The following ZNF711 variants were observed in gnomAD, a reference collection of about 807,000 sequenced individuals.
ZNF711 encodes zinc finger protein 711.
In ZNF711, 3 loss-of-function variants were observed where a neutral mutation model predicts 43.5. The observed-to-expected ratio is 0.07, with a 90% CI of 0.03 to 0.18. ZNF711 has a LOEUF of 0.18. Ranked by LOEUF, ZNF711 falls within the 10% of genes least tolerant of loss-of-function variation. The pLI, the probability that ZNF711 is intolerant of heterozygous loss-of-function variation, is 1.00. For synonymous variants in ZNF711, 209 were observed against 207.7 expected, an observed-to-expected ratio of 1.01 and a Z score of -0.06; for missense variants, 412 against 604.0, an observed-to-expected ratio of 0.68 and a Z score of 3.33.
At chrX:85,267,695 A>T (rs1931210352) in intron 8 of ZNF711, among the ~76,000 whole-genome samples, 1 of 111,607 alleles carries the variant, frequency 9.0e-6, no homozygotes, top group Non-Finnish European at 1.9e-5. Flanking sequence ...TATTTTTCTA[A>T]AATAGGAATA....
chrX:85,259,587 A>G (rs1249109172), intron 5 of ZNF711, among the ~76,000 whole-genome samples: 3 of 110,973 alleles, frequency 2.7e-5, no homozygotes, highest in Non-Finnish European at 3.8e-5. Context: ...AGTGTTTTAT[A>G]GTACTCCTCG....
At chrX:85,248,472 CAAAAAAAAAAA>C (rs1166126484) in intron 4 of ZNF711, among the ~76,000 whole-genome samples, 2 of 19,968 alleles carry the variant, frequency 1.0e-4, no homozygotes, top group South Asian at 4.7e-3. Flanking sequence ...GACTCAGTCT[CAAAAAAAAAAA>C]AAAAAAAAAA....
Position 85,269,518 on chromosome X carries a change from C to G in ZNF711, c.1103-485C>G, listed in dbSNP as rs139062450. Reference sequence around the variant, plus strand: ...ATCTCAGGCTCCTGAGTAGCTGGGACTACAGGTGCATGCCACCATGCCTGA... The same window carrying G: ...ATCTCAGGCTCCTGAGTAGCTGGGAGTACAGGTGCATGCCACCATGCCTGA... On this transcript the variant is annotated intron_variant, in intron 9 of 10. Coordinates refer to ENST00000674551, the MANE Select transcript of ZNF711 (RefSeq NM_001330574.2). 8.0e-3 allele frequency among the ~76,000 whole-genome samples: 870 copies of G among 108,663 alleles called. 11 individuals are homozygous for G. The highest frequency in any genetic ancestry group is 0.028 in the African/African-American group (820 of 29,784). 94.4% of individuals were successfully genotyped at this position (108,663 alleles called of 115,157 possible). A position where few individuals can be genotyped will look rare whatever the true frequency, so the allele number is the denominator to read the frequency against.
chrX:85,270,679 C>T lies in ZNF711; in HGVS notation c.1275C>T (p.Pro425=). The T allele has an allele frequency of 8.3e-7, 1 of 1,207,722 alleles. No homozygotes were observed. Among genetic ancestry groups the T allele is most frequent in the East Asian group, 3.0e-5 (1 of 33,705 alleles). Reference sequence around the variant, plus strand: ...TTATAATAGGTCCTGATGGACAGCCCCTCACAGTGTACCCTTGCCATATTT... The same window carrying T: ...TTATAATAGGTCCTGATGGACAGCCTCTCACAGTGTACCCTTGCCATATTT... The part of the protein sequence containing the change: ...TAVIIGPDGQ[P]LTVYPCHICT... Residue 425 remains proline (P), a synonymous_variant, in exon 11 of 11, where the codon CCC becomes CCT. Coordinates refer to ENST00000674551, the MANE Select transcript of ZNF711 (RefSeq NM_001330574.2).
Position 85,270,015 on chromosome X carries a change from A to C in ZNF711, c.1115A>C (p.Asp372Ala), listed in dbSNP as rs1281347842. 8.3e-7 allele frequency: 1 copy of C among 1,210,134 alleles called. No homozygotes were observed. Among genetic ancestry groups the C allele is most frequent in the Non-Finnish European group, 1.1e-6 (1 of 894,582 alleles). ...TTTTTTTTTCCAGGAAATACTTTGG[A>C]CTCAGCATTAGAAAGCAGAAGTAGT... Reference protein sequence around the residue: ...EDCQASGNTLDSALESRSSTA... With the variant: ...EDCQASGNTLASALESRSSTA... The change falls in exon 10 of 11, where the codon GAC (aspartate) becomes GCC (alanine). Residue 372 changes from aspartate (D) to alanine (A), a missense_variant. Physicochemically the swap from Asp to Ala is moderately radical, Grantham distance 126. Around this residue, in one of 4 missense-constraint regions of ZNF711, gnomAD observed 375 missense variants for 514.2 expected, o/e 0.73. Transcript: ENST00000674551.
rs746649683 is a variant in ZNF711, at chrX:85,255,746, AGAT to A, written c.584_586del (p.Asp195del). ...GTTCTACAGTTACTATAAAAACCGA[AGAT>A]GATGATGATGATGATGTCAAGAGCA... On this transcript the variant is annotated inframe_deletion, in exon 5 of 11. Coordinates refer to ENST00000674551, the MANE Select transcript of ZNF711 (RefSeq NM_001330574.2). The A allele has an allele frequency of 1.4e-5, 17 of 1,207,917 alleles. No individual in the cohort carries two copies. In the Middle Eastern group the frequency reaches 6.9e-4, roughly 49 times the overall value.
intron 4 of ZNF711, 101 bp from the exon 5 acceptor site, chrX:85,255,158 C>T (rs1451651674): frequency 1.2e-6 from 1 of 807,196 alleles, no homozygotes; most frequent in Admixed American, 2.9e-5. Flanking sequence ...GCCAAGATTA[C>T]TTAATATTTA....
chrX:85,264,494 A>T, intron 6 of ZNF711, 64 bp downstream of exon 6: 1 of 1,044,195 alleles, frequency 9.6e-7, no homozygotes, highest in Non-Finnish European at 1.3e-6. Context: ...TTTTCTGGGG[A>T]CTAGTCTAAA....
intron 5 of ZNF711, among the ~76,000 whole-genome samples, chrX:85,260,856 T>C (rs1200707364): frequency 9.0e-6 from 1 of 111,011 alleles, no homozygotes; most frequent in Non-Finnish European, 1.9e-5. Context: ...ATATGTAACT[T>C]TCAGCTTACC....
intron 5 of ZNF711, 150 bp downstream of exon 5, chrX:85,255,951 T>C (rs1930097318): frequency 3.9e-6 from 2 of 509,638 alleles, no homozygotes; most frequent in Admixed American, 8.9e-5. Context: ...AGATGCTGTT[T>C]TGAGTTTACT....
At chrX:85,257,014 G>T (rs909684740) in intron 5 of ZNF711, among the ~76,000 whole-genome samples, 2 of 111,289 alleles carry the variant, frequency 1.8e-5, no homozygotes, top group Non-Finnish European at 3.8e-5. Flanking sequence ...AATTTAAACT[G>T]ATATTAAAGT....
In ZNF711 at chrX:85,270,682, C is replaced by T; in HGVS notation, c.1278C>T (p.Leu426=). ...AVIIGPDGQP[L]TVYPCHICTK... ...TAATAGGTCCTGATGGACAGCCCCT[C>T]ACAGTGTACCCTTGCCATATTTGCA... Residue 426 remains leucine (L), a synonymous_variant, in exon 11 of 11, where the codon CTC becomes CTT. Transcript: ENST00000674551. 1 of 1,208,140 alleles carries T rather than the reference C, an allele frequency of 8.3e-7. No individual in the cohort carries two copies. The highest frequency in any genetic ancestry group is 3.0e-5 in the East Asian group (1 of 33,723).
chrX:85,271,992 T>C lies in ZNF711; in HGVS notation c.*164T>C, dbSNP rs2147878329. 2.2e-6 allele frequency: 1 copy of C among 459,858 alleles called. No individual in the cohort carries two copies. Among genetic ancestry groups the C allele is most frequent in the East Asian group, 3.7e-5 (1 of 26,816 alleles). 37.9% of individuals were successfully genotyped at this position (459,858 alleles called of 1,213,427 possible). A position where few individuals can be genotyped will look rare whatever the true frequency, so the allele number is the denominator to read the frequency against. On this transcript the variant is annotated 3_prime_UTR_variant, in exon 11 of 11. Transcript: ENST00000674551. ...ATATTTGAATTCACAGGGGATCCCA[T>C]AGCCCTTTGAAAATTACTTAAAGAA...
Position 85,271,601 on chromosome X carries a change from C to T in ZNF711, c.2197C>T (p.Gln733Ter). 8.3e-7 allele frequency: 1 copy of T among 1,210,306 alleles called. No homozygotes were observed. The change falls in exon 11 of 11, where the codon CAA (glutamine) becomes TAA (stop). Residue 733 changes from glutamine to a stop codon, truncating the protein, a stop_gained. Coordinates refer to ENST00000674551, the MANE Select transcript of ZNF711 (RefSeq NM_001330574.2). LOFTEE classifies it high-confidence loss of function. Reference protein sequence around the residue: ...KCKRCKRGFRQQNELKKHMKT... With the variant: ...KCKRCKRGFR ...TAAAAGGTGCAAGAGAGGATTCAGA[C>T]AACAAAATGAGCTAAAAAAACATAT...
At chrX:85,254,813 A>C (rs1929966502) in intron 4 of ZNF711, among the ~76,000 whole-genome samples, 1 of 106,828 alleles carries the variant, frequency 9.4e-6, no homozygotes, top group Admixed American at 1.0e-4. Flanking sequence ...AAAAAAAAAA[A>C]AAAAAAGAAA....
intron 9 of ZNF711, 130 bp downstream of exon 9, chrX:85,268,471 T>A: frequency 2.8e-6 from 2 of 720,912 alleles, no homozygotes; most frequent in Non-Finnish European, 4.1e-6. Flanking sequence ...ATACCTAATC[T>A]AGTTAGTTAG....
intron 5 of ZNF711, among the ~76,000 whole-genome samples, chrX:85,260,146 A>G (rs1320217605): frequency 9.0e-6 from 1 of 111,562 alleles, no homozygotes; most frequent in Non-Finnish European, 1.9e-5. Flanking sequence ...ATCTACTGCA[A>G]TGATCACATG....
At chrX:85,252,443 C>T (rs1929629511) in intron 4 of ZNF711, among the ~76,000 whole-genome samples, 2 of 111,451 alleles carry the variant, frequency 1.8e-5, no homozygotes, top group South Asian at 7.5e-4. Flanking sequence ...AAGAACCAGA[C>T]TAATCTTCAG....
Position 85,247,114 on chromosome X carries a change from T to G in ZNF711, c.-101T>G. On this transcript the variant is annotated 5_prime_UTR_variant, in exon 3 of 11. Coordinates refer to ENST00000674551, the MANE Select transcript of ZNF711 (RefSeq NM_001330574.2). ...CTGCAGAGCTCCGCTGCAGGGCTGATCTGGGTCTGGAAGAAATGGATGAGA... is the reference window on the plus strand; with the variant it reads ...CTGCAGAGCTCCGCTGCAGGGCTGAGCTGGGTCTGGAAGAAATGGATGAGA... The G allele has an allele frequency of 3.4e-6, 1 of 296,642 alleles. No individual in the cohort carries two copies. The highest frequency in any genetic ancestry group is 5.9e-6 in the Non-Finnish European group (1 of 170,022). The allele number at this position is 296,642 out of a possible 1,213,427, so 24.4% of individuals were successfully genotyped here. A position where few individuals can be genotyped will look rare whatever the true frequency, so the allele number is the denominator to read the frequency against.
Sources: gnomAD v4.1 joint callset for allele counts (sites outside exome capture counted in the v4.1 genomes callset) on GRCh38, gnomAD v4.1.1 for gene constraint, gnomAD v4.1.1 regional missense constraint, MANE v1.5 for transcripts, NCBI Gene and HGNC (gene_info 2026-07-23, HGNC 2026-07-21) for gene names.